The following CYTH1 variants were observed in gnomAD, a reference collection of about 807,000 sequenced individuals.
The protein encoded by CYTH1 is cytohesin 1, also known as cytohesin-1.
A neutral mutation model predicts 61.8 loss-of-function variants in CYTH1; 18 were observed. That is an observed-to-expected ratio of 0.29 (90% CI 0.20 to 0.43). The LOEUF (loss-of-function observed/expected upper bound fraction) is 0.43. CYTH1 is among the 20% of genes least tolerant of loss of function. CYTH1 has a pLI of 1.00. For synonymous variants in CYTH1, 174 were observed against 184.3 expected, an observed-to-expected ratio of 0.94 and a Z score of 0.45; for missense variants, 336 against 510.5, an observed-to-expected ratio of 0.66 and a Z score of 3.29.
intron 1 of CYTH1, among the ~76,000 whole-genome samples, chr17:78,777,293 C>T (rs1040419149): frequency 4.6e-5 from 7 of 151,794 alleles, no homozygotes; most frequent in Non-Finnish European, 7.4e-5. Context: ...GTGGCGGGTG[C>T]CTGTAGTCCC....
rs374824097 is a variant in CYTH1 at position 78,758,027 on chromosome 17, A to G, written c.22+24175T>C. ...GTGTAAACTGATTCACACTTTCTGA[A>G]AACCCATTTGGCAGTACATATCAAG... On this transcript the variant is annotated intron_variant, in intron 1 of 13. Transcript: ENST00000446868. Among the ~76,000 whole-genome samples, 6 of 152,342 alleles carry G rather than the reference A, an allele frequency of 3.9e-5. 1 individual carries two copies. The South Asian group carries it at 1.2e-3, about 32-fold the overall frequency.
chr17:78,703,034 C>T (rs1002937721), intron 3 of CYTH1, among the ~76,000 whole-genome samples: 3 of 152,062 alleles, frequency 2.0e-5, no homozygotes, highest in African/African-American at 7.2e-5. Context: ...GATCTGCCTG[C>T]GTCAGCCTCC....
intron 13 of CYTH1, chr17:78,678,016 C>A (rs965364579): frequency 6.6e-6 from 1 of 152,260 alleles, no homozygotes; most frequent in Admixed American, 6.5e-5. Flanking sequence ...GGTCCCACCT[C>A]GCACTGGGTG....
chr17:78,704,415 A>G (rs1436728782), intron 3 of CYTH1, among the ~76,000 whole-genome samples: 2 of 152,234 alleles, frequency 1.3e-5, no homozygotes, highest in Non-Finnish European at 2.9e-5. Flanking sequence ...AGTTGCTCGG[A>G]AATAAAATCA....
rs1230147688 is a variant in CYTH1, at chr17:78,759,518, A to G, written c.22+22684T>C. Among the ~76,000 whole-genome samples, 4 of 152,200 alleles carry G rather than the reference A, an allele frequency of 2.6e-5. 1 individual carries two copies. The highest frequency in any genetic ancestry group is 9.6e-5 in the African/African-American group (4 of 41,452). On this transcript the variant is annotated intron_variant, in intron 1 of 13. Transcript: ENST00000446868. The stretch of plus-strand genomic sequence containing the variant: ...AAAACAGAAAACCACACAAAGACAC[A>G]TGGGGAAGCTAAAGTGGGTAGGTAG...
chr17:78,702,706 T>A, intron 3 of CYTH1, 102 bp from the exon 4 acceptor site: 1 of 1,285,508 alleles, frequency 7.8e-7, no homozygotes, highest in Non-Finnish European at 1.1e-6. Context: ...TTGAAAGATT[T>A]ATCCAGGAAA....
intron 12 of CYTH1, among the ~76,000 whole-genome samples, chr17:78,680,709 C>T (rs1172075949): frequency 1.3e-5 from 2 of 152,224 alleles, no homozygotes; most frequent in Non-Finnish European, 2.9e-5. Context: ...TAGCCCACTC[C>T]TGCGTGCTTG....
intron 1 of CYTH1, among the ~76,000 whole-genome samples, chr17:78,775,679 G>A (rs1390459425): frequency 6.6e-6 from 1 of 152,134 alleles, no homozygotes; most frequent in Non-Finnish European, 1.5e-5. Context: ...AATAAGTAAA[G>A]GACATTTGCA....
At chr17:78,751,684 G>A (rs532477517) in intron 1 of CYTH1, among the ~76,000 whole-genome samples, 8 of 152,226 alleles carry the variant, frequency 5.3e-5, no homozygotes, top group Non-Finnish European at 1.0e-4. Context: ...ATAAGCTTTA[G>A]TGAGTAGGAA....
intron 1 of CYTH1, among the ~76,000 whole-genome samples, chr17:78,774,636 A>G (rs2093483961): frequency 6.6e-6 from 1 of 152,092 alleles, no homozygotes; most frequent in African/African-American, 2.4e-5. Context: ...AATCTTTCTT[A>G]AATGCAACAG....
intron 1 of CYTH1, among the ~76,000 whole-genome samples, chr17:78,720,819 T>C (rs2093221901): frequency 1.3e-5 from 2 of 152,156 alleles, no homozygotes; most frequent in African/African-American, 4.8e-5. Context: ...GAGGTTGCAG[T>C]GAGCCCAGGT....
At chr17:78,782,093 A>T in intron 1 of CYTH1, 109 bp downstream of exon 1, 2 of 968,356 alleles carry the variant, frequency 2.1e-6, no homozygotes, top group Non-Finnish European at 2.6e-6. Flanking sequence ...CGCGTCCCGC[A>T]CCAGTGTCCC....
chr17:78,756,121 G>A (rs1334113709), intron 1 of CYTH1, among the ~76,000 whole-genome samples: 1 of 149,328 alleles, frequency 6.7e-6, no homozygotes, highest in African/African-American at 2.5e-5. Flanking sequence ...TGTCACCTAG[G>A]CTGGAGTGCA....
At chr17:78,681,798 A>G (rs923928592) in intron 11 of CYTH1, among the ~76,000 whole-genome samples, 1 of 149,774 alleles carries the variant, frequency 6.7e-6, no homozygotes, top group Non-Finnish European at 1.5e-5. Context: ...AGATAGCGCC[A>G]CTGCACTCCA....
At chr17:78,722,357 C>T (rs551387438) in intron 1 of CYTH1, among the ~76,000 whole-genome samples, 2 of 152,330 alleles carry the variant, frequency 1.3e-5, no homozygotes, top group Admixed American at 6.5e-5. Context: ...AGGGACTGGG[C>T]GCAGAGCTCC....
chr17:78,685,137 T>C (rs2092803201), intron 11 of CYTH1, among the ~76,000 whole-genome samples: 1 of 143,876 alleles, frequency 7.0e-6, no homozygotes, highest in Non-Finnish European at 1.5e-5. Flanking sequence ...AGGCGGAGGT[T>C]GCAGTGAGCC....
intron 7 of CYTH1, 60 bp from the exon 8 acceptor site, chr17:78,699,028 C>T: frequency 1.3e-6 from 2 of 1,570,738 alleles, no homozygotes; most frequent in Non-Finnish European, 1.7e-6. Flanking sequence ...AGAAACATCC[C>T]ACCCGCAAGA....
intron 1 of CYTH1, among the ~76,000 whole-genome samples, chr17:78,711,409 C>A (rs2093131427): frequency 6.6e-6 from 1 of 151,412 alleles, no homozygotes; most frequent in Non-Finnish European, 1.5e-5. Flanking sequence ...ATTGATATAA[C>A]TTAATGAAAT....
At chr17:78,698,713 G>GGA in intron 8 of CYTH1, 107 bp downstream of exon 8, 2 of 1,308,916 alleles carry the variant, frequency 1.5e-6, no homozygotes, top group South Asian at 3.2e-5. Context: ...AATTAAAAGA[G>GGA]GAGACCCTTG....
Sources: gnomAD v4.1 joint callset for allele counts (sites outside exome capture counted in the v4.1 genomes callset) on GRCh38, gnomAD v4.1.1 for gene constraint, MANE v1.5 for transcripts, NCBI Gene and HGNC (gene_info 2026-07-23, HGNC 2026-07-21) for gene names.